The following FAM241A variants were observed in gnomAD, a reference collection of about 807,000 sequenced individuals.
FAM241A encodes family with sequence similarity 241 member A.
FAM241A carries 7 observed loss-of-function variants against 12.2 expected under a neutral mutation model. That is an observed-to-expected ratio of 0.58 (90% CI 0.33 to 1.08). FAM241A has a LOEUF of 1.08. Among genes scored for constraint, FAM241A ranks in the 50% least tolerant of loss-of-function variants. FAM241A has a pLI of 0.04. For synonymous variants in FAM241A, 74 were observed against 68.2 expected (o/e 1.08, Z -0.42); for missense variants, 161 against 169.7 (o/e 0.95, Z 0.29).
intron 1 of FAM241A, among the ~76,000 whole-genome samples, chr4:112,174,498 G>A (rs868517808): frequency 1.3e-5 from 2 of 152,200 alleles, no homozygotes; most frequent in Admixed American, 6.5e-5. Flanking sequence ...AGAACTTTCC[G>A]GGCTAAGTTT....
chr4:112,179,430 C>T (rs1176843948), intron 1 of FAM241A, among the ~76,000 whole-genome samples: 1 of 151,956 alleles, frequency 6.6e-6, no homozygotes, highest in African/African-American at 2.4e-5. Context: ...AAGCTGGAAA[C>T]CATCATTCTC....
At chr4:112,183,511 T>C (rs1042297861) in intron 1 of FAM241A, among the ~76,000 whole-genome samples, 5 of 152,106 alleles carry the variant, frequency 3.3e-5, no homozygotes, top group African/African-American at 1.2e-4. Flanking sequence ...CATTTGTAGA[T>C]TTAATTTATT....
chr4:112,190,174 AC>A lies in FAM241A; in HGVS notation c.*3237del, dbSNP rs1455620932. 6.8e-6 allele frequency: 1 copy of A among 147,456 alleles called. No homozygotes were observed. Among genetic ancestry groups the A allele is most frequent in the Non-Finnish European group, 1.5e-5 (1 of 66,498 alleles). 9.1% of individuals were successfully genotyped at this position (147,456 alleles called of 1,614,324 possible). A position where few individuals can be genotyped will look rare whatever the true frequency, so the allele number is the denominator to read the frequency against. Reference sequence around the variant, plus strand: ...CAGGCAATCAGGAAAGGCAAAACTTACAGAATGATAGAGGAAAAATTACAGT... The same window carrying A: ...CAGGCAATCAGGAAAGGCAAAACTTAAGAATGATAGAGGAAAAATTACAGT... On this transcript the variant is annotated 3_prime_UTR_variant, in exon 2 of 2. Transcript: ENST00000309733.
chr4:112,162,169 A>G (rs1313063083), intron 1 of FAM241A, among the ~76,000 whole-genome samples: 3 of 152,186 alleles, frequency 2.0e-5, no homozygotes, highest in Non-Finnish European at 4.4e-5. Flanking sequence ...TCACAATAAT[A>G]AGAGCTATTT....
intron 1 of FAM241A, among the ~76,000 whole-genome samples, chr4:112,176,850 A>G (rs1467662931): frequency 2.0e-5 from 3 of 152,178 alleles, no homozygotes; most frequent in Non-Finnish European, 4.4e-5. Flanking sequence ...ATGTTTTTCC[A>G]TTGGGACCTC....
intron 1 of FAM241A, among the ~76,000 whole-genome samples, chr4:112,157,264 A>T (rs1314339464): frequency 1.3e-5 from 2 of 152,146 alleles, no homozygotes; most frequent in African/African-American, 4.8e-5. Flanking sequence ...GAGAGAGGGA[A>T]GTCAATTGAA....
At chr4:112,177,691 G>A (rs181426232) in intron 1 of FAM241A, among the ~76,000 whole-genome samples, 1 of 152,184 alleles carries the variant, frequency 6.6e-6, no homozygotes, top group East Asian at 1.9e-4. Context: ...CTATTACTCT[G>A]AAAATTACAA....
rs1490630049 is a variant in FAM241A at position 112,186,698 on chromosome 4, TGAA to T, written c.162_164del (p.Glu54del). 2.5e-6 allele frequency: 4 copies of T among 1,608,730 alleles called. No homozygotes were observed. The highest frequency in any genetic ancestry group is 3.4e-6 in the Non-Finnish European group (4 of 1,178,198). On this transcript the variant is annotated inframe_deletion, in exon 2 of 2. Coordinates refer to ENST00000309733, the MANE Select transcript of FAM241A (RefSeq NM_152400.3). ...CTTTTTTTTTTTTTTTAAAGGATGT[TGAA>T]GACTCACAGAACCACACTGGTGAGC...
intron 1 of FAM241A, among the ~76,000 whole-genome samples, chr4:112,156,669 T>G (rs1723359528): frequency 6.6e-6 from 1 of 152,196 alleles, no homozygotes; most frequent in South Asian, 2.1e-4. Context: ...GAAATTACCA[T>G]GACAGAAATT....
intron 1 of FAM241A, among the ~76,000 whole-genome samples, chr4:112,172,024 T>C (rs1014666895): frequency 1.3e-5 from 2 of 152,242 alleles, no homozygotes; most frequent in Non-Finnish European, 2.9e-5. Context: ...TTTATATTTA[T>C]AACAAAGCCT....
chr4:112,170,178 A>G (rs529248873), intron 1 of FAM241A, among the ~76,000 whole-genome samples: 21 of 152,288 alleles, frequency 1.4e-4, no homozygotes, highest in South Asian at 6.2e-4. Context: ...CAGCCTTTCC[A>G]TGATCGTTGG....
chr4:112,171,099 G>A (rs994914346), intron 1 of FAM241A: 4 of 367,490 alleles, frequency 1.1e-5, no homozygotes, highest in African/African-American at 8.4e-5. Context: ...CAGTGAGCCA[G>A]ATGTGTGTAT....
intron 1 of FAM241A, among the ~76,000 whole-genome samples, chr4:112,174,606 C>T (rs968761402): frequency 5.3e-5 from 8 of 152,274 alleles, no homozygotes; most frequent in Admixed American, 3.3e-4. Flanking sequence ...ACCGTCAAAA[C>T]AACACAGCAG....
At chr4:112,164,699 C>G (rs900841509) in intron 1 of FAM241A, among the ~76,000 whole-genome samples, 3 of 152,120 alleles carry the variant, frequency 2.0e-5, no homozygotes, top group African/African-American at 7.2e-5. Flanking sequence ...TATTTGTAAA[C>G]TACCCTGACA....
chr4:112,166,130 T>C (rs1413293380), intron 1 of FAM241A, among the ~76,000 whole-genome samples: 1 of 150,190 alleles, frequency 6.7e-6, no homozygotes, highest in Non-Finnish European at 1.5e-5. Context: ...CACTGCAAGC[T>C]CTACTTCCCG....
At chr4:112,157,560 G>A (rs947650759) in intron 1 of FAM241A, among the ~76,000 whole-genome samples, 3 of 151,994 alleles carry the variant, frequency 2.0e-5, no homozygotes, top group Non-Finnish European at 4.4e-5. Context: ...GCTAGAAAAT[G>A]TTAATTCTAT....
At chr4:112,147,393 A>G (rs2110417550) in intron 1 of FAM241A, among the ~76,000 whole-genome samples, 1 of 152,364 alleles carries the variant, frequency 6.6e-6, no homozygotes, top group Non-Finnish European at 1.5e-5. Flanking sequence ...GGAGATAGGC[A>G]TTTCCTACTA....
intron 1 of FAM241A, among the ~76,000 whole-genome samples, chr4:112,149,795 A>G (rs1038374137): frequency 1.3e-5 from 2 of 152,118 alleles, no homozygotes; most frequent in Non-Finnish European, 1.5e-5. Context: ...TTTATTAGGC[A>G]TTTGTATTTC....
chr4:112,156,705 C>CT (rs2110422159), intron 1 of FAM241A, among the ~76,000 whole-genome samples: 1 of 152,250 alleles, frequency 6.6e-6, no homozygotes, highest in African/African-American at 2.4e-5. Flanking sequence ...GAAACTTGGA[C>CT]TTTGTGTATA....
Sources: allele counts gnomAD v4.1 joint callset (sites outside exome capture counted in the v4.1 genomes callset), GRCh38; gene constraint gnomAD v4.1.1; transcripts MANE v1.5; gene names NCBI Gene and HGNC (gene_info 2026-07-23, HGNC 2026-07-21).